RUNX2: variants seen among roughly 807,000 people sequenced by gnomAD.
RUNX2 encodes the protein runt-related transcription factor 2.
A neutral mutation model predicts 51.7 loss-of-function variants in RUNX2; 10 were observed. That is an observed-to-expected ratio of 0.19 (90% CI 0.12 to 0.33). RUNX2 has a LOEUF of 0.33. Ranked by LOEUF, RUNX2 falls within the 10% of genes least tolerant of loss-of-function variation. RUNX2 has a pLI of 1.00. For missense variants in RUNX2, 562 were observed against 691.3 expected, an observed-to-expected ratio of 0.81 and a Z score of 2.10; for synonymous variants, 276 against 273.6, an observed-to-expected ratio of 1.01 and a Z score of -0.09.
At chr6:45,543,857 A>G (rs756529665) in intron 7 of RUNX2, among the ~76,000 whole-genome samples, 3 of 151,840 alleles carry the variant, frequency 2.0e-5, no homozygotes, top group Non-Finnish European at 2.9e-5. Context: ...TTCTGTAACT[A>G]TTATTATTTA....
intron 5 of RUNX2, among the ~76,000 whole-genome samples, chr6:45,461,633 C>A (rs2150386993): frequency 6.6e-6 from 1 of 152,254 alleles, no homozygotes; most frequent in African/African-American, 2.4e-5. Context: ...TGTACCATTG[C>A]TGTTCTTGGC....
intron 5 of RUNX2, among the ~76,000 whole-genome samples, chr6:45,456,284 T>C (rs1799315900): frequency 6.6e-6 from 1 of 152,240 alleles, no homozygotes; most frequent in African/African-American, 2.4e-5. Flanking sequence ...AAACTGATTT[T>C]ATTTTTTAAT....
intron 2 of RUNX2, among the ~76,000 whole-genome samples, chr6:45,419,157 T>C (rs183113081): frequency 6.6e-6 from 1 of 152,310 alleles, no homozygotes; most frequent in African/African-American, 2.4e-5. Flanking sequence ...GTGGTCCATA[T>C]TTGAAATATT....
intron 2 of RUNX2, chr6:45,422,368 C>T: frequency 3.8e-6 from 2 of 532,590 alleles, no homozygotes; most frequent in East Asian, 3.8e-5. Context: ...TACCCGCCAG[C>T]CCGACTGCGC....
intron 4 of RUNX2, among the ~76,000 whole-genome samples, chr6:45,436,995 A>G (rs1305516587): frequency 1.3e-5 from 2 of 152,204 alleles, no homozygotes; most frequent in African/African-American, 4.8e-5. Context: ...GTCTTGTAAC[A>G]GTTTGCAGTT....
intron 2 of RUNX2, among the ~76,000 whole-genome samples, chr6:45,357,015 T>A (rs1459362570): frequency 1.3e-5 from 2 of 152,180 alleles, no homozygotes; most frequent in African/African-American, 4.8e-5. Flanking sequence ...AATCCATTTT[T>A]TTCTTTTCTG....
chr6:45,470,028 A>G (rs921944127), intron 5 of RUNX2, among the ~76,000 whole-genome samples: 1 of 152,170 alleles, frequency 6.6e-6, no homozygotes, highest in East Asian at 1.9e-4. Flanking sequence ...TGCACACACT[A>G]TCGCCACTGG....
At chr6:45,423,459 C>CTT (rs774994795) in intron 3 of RUNX2, among the ~76,000 whole-genome samples, 22 of 152,284 alleles carry the variant, frequency 1.4e-4, no homozygotes, top group South Asian at 4.1e-4. Flanking sequence ...TCCGCGCGCT[C>CTT]TCACCCGCTT....
chr6:45,433,609 T>C (rs1013672598), intron 4 of RUNX2, among the ~76,000 whole-genome samples: 5 of 152,204 alleles, frequency 3.3e-5, no homozygotes, highest in African/African-American at 1.2e-4. Context: ...ATTATATAGA[T>C]GCTGCATAAC....
Position 45,431,891 on chromosome 6 carries a change from G to C in RUNX2, c.452G>C (p.Gly151Ala), listed in dbSNP as rs1360487110. The C allele has an allele frequency of 6.2e-7, 1 of 1,614,092 alleles. No homozygotes were observed. The highest frequency in any genetic ancestry group is 8.5e-7 in the Non-Finnish European group (1 of 1,179,992). The change falls in exon 4 of 9, where the codon GGG becomes GCG. Residue 151 changes from glycine to alanine, a missense_variant. Transcript: ENST00000647337. ...KVVALGEVPD[G>A]TVVTVMAGND... ...GTAGCCCTCGGAGAGGTACCAGATG[G>C]GACTGTGGTTACTGTCATGGCGGGT...
chr6:45,520,766 G>A (rs758156116), intron 7 of RUNX2, among the ~76,000 whole-genome samples: 17 of 152,132 alleles, frequency 1.1e-4, no homozygotes, highest in Non-Finnish European at 7.4e-5. Flanking sequence ...TGTTGCCCAG[G>A]CTGGAGTGCA....
At chr6:45,394,700 G>A (rs1049178417) in intron 2 of RUNX2, among the ~76,000 whole-genome samples, 1 of 152,130 alleles carries the variant, frequency 6.6e-6, no homozygotes, top group Non-Finnish European at 1.5e-5. Flanking sequence ...AGGGGCTGGG[G>A]TTATGTATTT....
At chr6:45,478,929 C>T (rs1350250082) in intron 5 of RUNX2, among the ~76,000 whole-genome samples, 2 of 151,886 alleles carry the variant, frequency 1.3e-5, no homozygotes, top group Non-Finnish European at 2.9e-5. Context: ...TCTCTGTCGC[C>T]CAGGCTGGAG....
Position 45,418,096 on chromosome 6 carries a change from T to A in RUNX2, c.59-4497T>A, listed in dbSNP as rs529694230. ...TCATCAATGTGCCCATAATTTTCCATTGGTTTTCCCACTTTAATAGCTGGT... is the reference window on the plus strand; with the variant it reads ...TCATCAATGTGCCCATAATTTTCCAATGGTTTTCCCACTTTAATAGCTGGT... On this transcript the variant is annotated intron_variant, in intron 2 of 8. Transcript: ENST00000647337. Among the ~76,000 whole-genome samples, 3 of 152,230 alleles carry A rather than the reference T, an allele frequency of 2.0e-5. No homozygotes were observed. The South Asian group carries it at 6.2e-4, about 31-fold the overall frequency.
chr6:45,477,704 A>G (rs894743517), intron 5 of RUNX2, among the ~76,000 whole-genome samples: 4 of 152,192 alleles, frequency 2.6e-5, no homozygotes, highest in Admixed American at 2.6e-4. Context: ...CTCAGTGTTT[A>G]TCTTCTGACT....
chr6:45,431,637 A>G (rs1798545581), intron 3 of RUNX2, among the ~76,000 whole-genome samples: 1 of 152,324 alleles, frequency 6.6e-6, no homozygotes, highest in Non-Finnish European at 1.5e-5. Flanking sequence ...CCAACAACAA[A>G]TGAAAGAAGT....
intron 3 of RUNX2, among the ~76,000 whole-genome samples, chr6:45,430,777 G>A (rs752716366): frequency 2.0e-5 from 3 of 152,266 alleles, no homozygotes; most frequent in Middle Eastern, 3.4e-3. Context: ...CTTGAGCTGC[G>A]GTCATTGCTG....
Position 45,432,038 on chromosome 6 carries a change from A to G in RUNX2, c.580+19A>G. The stretch of plus-strand genomic sequence containing the variant: ...GGACGAGGTAGGTCTCTGACTTTTG[A>G]TACTGATAATAGAATAAGCACATTA... On this transcript the variant is annotated intron_variant, in intron 4 of 8. Transcript: ENST00000647337. 19 of 1,612,306 alleles carry G rather than the reference A, an allele frequency of 1.2e-5. No individual in the cohort carries two copies. Among genetic ancestry groups the G allele is most frequent in the Non-Finnish European group, 1.6e-5 (19 of 1,178,730 alleles).
intron 5 of RUNX2, among the ~76,000 whole-genome samples, chr6:45,488,879 A>G (rs1341684395): frequency 1.3e-5 from 2 of 152,180 alleles, no homozygotes; most frequent in African/African-American, 2.4e-5. Context: ...AGAGTACCCT[A>G]TCCTTGACTT....
Sources: gnomAD v4.1 joint callset for allele counts (sites outside exome capture counted in the v4.1 genomes callset) on GRCh38, gnomAD v4.1.1 for gene constraint, MANE v1.5 for transcripts, NCBI Gene and HGNC (gene_info 2026-07-23, HGNC 2026-07-21) for gene names.